The following RBL1 variants were observed in gnomAD, a reference collection of about 807,000 sequenced individuals.
RBL1 encodes RB transcriptional corepressor like 1, also known as retinoblastoma-like protein 1.
Under a neutral mutation model 123.0 loss-of-function variants are expected in RBL1, and 82 were observed. The ratio of observed to expected loss-of-function variants is 0.67; its 90% confidence interval spans 0.56 to 0.80. The LOEUF (loss-of-function observed/expected upper bound fraction) is 0.80. Among genes scored for constraint, RBL1 ranks in the 30% least tolerant of loss-of-function variants. RBL1 has a pLI of 0.00. For synonymous variants in RBL1, 405 were observed against 441.3 expected (o/e 0.92, Z 1.03); for missense variants, 1,171 against 1,299.6 (o/e 0.90, Z 1.52).
At chr20:37,044,052 T>C (rs776539811) in intron 13 of RBL1, 34 bp downstream of exon 13, 2 of 1,412,874 alleles carry the variant, frequency 1.4e-6, no homozygotes, top group Non-Finnish European at 1.9e-6. Flanking sequence ...TTTTTTTTTT[T>C]AATGATACGA....
At chr20:37,070,799 T>C (rs2065271041) in intron 2 of RBL1, among the ~76,000 whole-genome samples, 1 of 152,084 alleles carries the variant, frequency 6.6e-6, no homozygotes, top group Admixed American at 6.6e-5. Flanking sequence ...TCTGGGTACA[T>C]TTTTTTATGT....
chr20:37,066,965 G>C (rs376224620), intron 5 of RBL1, 28 bp downstream of exon 5: 9 of 1,591,102 alleles, frequency 5.7e-6, no homozygotes, highest in Non-Finnish European at 5.1e-6. Flanking sequence ...CTGATAATCA[G>C]TTTTCAAAAA....
Position 37,046,317 on chromosome 20 carries a change from C to T in RBL1, c.1605+736G>A, listed in dbSNP as rs114670252. 3.0e-3 allele frequency among the ~76,000 whole-genome samples: 464 copies of T among 152,146 alleles called. 5 individuals are homozygous for T. Among genetic ancestry groups the T allele is most frequent in the African/African-American group, 0.011 (449 of 41,518 alleles). ...AAAATTTGAAGTTAAGTACTAGTTC[C>T]AGGTCACATTTTCAAGTCCGTGTTA... On this transcript the variant is annotated intron_variant, in intron 12 of 21. Coordinates refer to ENST00000373664, the MANE Select transcript of RBL1 (RefSeq NM_002895.5).
At chr20:37,019,682 A>G (rs1245492115) in intron 18 of RBL1, among the ~76,000 whole-genome samples, 3 of 152,212 alleles carry the variant, frequency 2.0e-5, no homozygotes, top group Non-Finnish European at 4.4e-5. Flanking sequence ...AGTCTAGGCC[A>G]CTACCTCTCT....
At chr20:37,009,128 G>A (rs143868896) in intron 19 of RBL1, among the ~76,000 whole-genome samples, 516 of 151,968 alleles carry the variant, frequency 3.4e-3, no homozygotes, top group Non-Finnish European at 4.9e-3. Context: ...GGGATCCAGC[G>A]ACTCTCCTGC....
chr20:37,062,681 C>T (rs1051864431), intron 7 of RBL1, among the ~76,000 whole-genome samples: 11 of 142,912 alleles, frequency 7.7e-5, no homozygotes, highest in Non-Finnish European at 1.5e-4. Context: ...ATGGGCCAGG[C>T]GCGGTGGCTC....
intron 16 of RBL1, among the ~76,000 whole-genome samples, chr20:37,024,837 C>T (rs2064395044): frequency 6.6e-6 from 1 of 152,120 alleles, no homozygotes; most frequent in Non-Finnish European, 1.5e-5. Flanking sequence ...TTTTCAAGCT[C>T]TGTTGTTAAA....
chr20:37,016,263 G>C (rs55736615), intron 19 of RBL1, among the ~76,000 whole-genome samples: 3 of 151,482 alleles, frequency 2.0e-5, no homozygotes, highest in African/African-American at 7.3e-5. Context: ...CCTGACCTCA[G>C]ATGATCCACC....
chr20:37,039,024 T>C, intron 14 of RBL1, among the ~76,000 whole-genome samples: 1 of 152,188 alleles, frequency 6.6e-6, no homozygotes, highest in East Asian at 1.9e-4. Flanking sequence ...TGAATACTTG[T>C]TCATCTAAGA....
At chr20:37,093,316 C>G (rs923232508) in intron 1 of RBL1, among the ~76,000 whole-genome samples, 2 of 148,772 alleles carry the variant, frequency 1.3e-5, no homozygotes, top group African/African-American at 2.4e-5. Context: ...AGAATAAACA[C>G]AAAATTTCAG....
intron 16 of RBL1, among the ~76,000 whole-genome samples, chr20:37,023,777 ATTTTTT>A (rs11371156): frequency 8.0e-5 from 10 of 125,500 alleles, no homozygotes; most frequent in African/African-American, 1.5e-4. Context: ...TATTCAAACT[ATTTTTT>A]TTTTTTTTTT....
intron 2 of RBL1, among the ~76,000 whole-genome samples, chr20:37,070,998 C>T (rs2065274161): frequency 6.6e-6 from 1 of 152,008 alleles, no homozygotes; most frequent in African/African-American, 2.4e-5. Flanking sequence ...CAGCTTCAAG[C>T]AATTTTCCTG....
intron 1 of RBL1, among the ~76,000 whole-genome samples, chr20:37,089,821 C>T (rs1044813065): frequency 1.3e-5 from 2 of 152,120 alleles, no homozygotes; most frequent in African/African-American, 4.8e-5. Flanking sequence ...GAGGCTGGAG[C>T]GGGTGAATCA....
At chr20:37,022,160 T>C (rs1040550980) in intron 17 of RBL1, among the ~76,000 whole-genome samples, 1 of 152,174 alleles carries the variant, frequency 6.6e-6, no homozygotes, top group Non-Finnish European at 1.5e-5. Flanking sequence ...ACTGCCAGTG[T>C]GGCCAGTACA....
At position 37,035,411 on chromosome 20, in the gene RBL1, C is replaced by CT; in HGVS notation, c.2000dup (p.Glu668GlyfsTer25). The CT allele has an allele frequency of 6.2e-7, 1 of 1,614,060 alleles. No individual in the cohort carries two copies. The highest frequency in any genetic ancestry group is 8.5e-7 in the Non-Finnish European group (1 of 1,179,988). Reference sequence around the variant, plus strand: ...TTATGATCTTGTCCATAAGCATTTCCTTTGGGGGGTCCTCTCCAAAGAGTC... The same window carrying CT: ...TTATGATCTTGTCCATAAGCATTTCCTTTTGGGGGGTCCTCTCCAAAGAGTC... On this transcript the variant is annotated frameshift_variant, in exon 15 of 22. Coordinates refer to ENST00000373664, the MANE Select transcript of RBL1 (RefSeq NM_002895.5). LOFTEE classifies it high-confidence loss of function.
rs1439532632 is a variant in RBL1, at chr20:37,095,759, C to T, written c.156+14G>A. Reference sequence around the variant, plus strand: ...CGAGGGTAGGGTCCGGCCGCCCCACCTGCTGCCGCTCACCTCTAGGCTGTA... The same window carrying T: ...CGAGGGTAGGGTCCGGCCGCCCCACTTGCTGCCGCTCACCTCTAGGCTGTA... On this transcript the variant is annotated intron_variant, in intron 1 of 21. Transcript: ENST00000373664. 1 of 1,575,414 alleles carries T rather than the reference C, an allele frequency of 6.3e-7. No individual in the cohort carries two copies.
intron 11 of RBL1, among the ~76,000 whole-genome samples, chr20:37,051,801 T>C (rs1007286138): frequency 2.0e-5 from 3 of 151,946 alleles, no homozygotes; most frequent in Admixed American, 6.5e-5. Context: ...TTAAGTCATC[T>C]AAATTTACTA....
chr20:37,034,689 T>TA (rs1162285391), intron 15 of RBL1, among the ~76,000 whole-genome samples: 2 of 145,186 alleles, frequency 1.4e-5, no homozygotes, highest in Non-Finnish European at 3.0e-5. Context: ...TCTCAAAAAA[T>TA]AAAAAAAGAA....
intron 1 of RBL1, among the ~76,000 whole-genome samples, chr20:37,092,285 A>G (rs983660992): frequency 1.3e-5 from 2 of 152,132 alleles, no homozygotes; most frequent in African/African-American, 4.8e-5. Flanking sequence ...GTGAAAATAT[A>G]AGTCCTAAAA....
Sources: allele counts gnomAD v4.1 joint callset (sites outside exome capture counted in the v4.1 genomes callset), GRCh38; gene constraint gnomAD v4.1.1; transcripts MANE v1.5; gene names NCBI Gene and HGNC (gene_info 2026-07-23, HGNC 2026-07-21).